GABRB1: variants seen among roughly 807,000 people sequenced by gnomAD.
GABRB1 encodes gamma-aminobutyric acid type A receptor subunit beta1.
In GABRB1, 17 loss-of-function variants were observed where a neutral mutation model predicts 51.6. The observed-to-expected ratio is 0.33, with a 90% CI of 0.23 to 0.49. The LOEUF is 0.49. GABRB1 is among the 20% of genes least tolerant of loss of function. The pLI, the probability that GABRB1 is intolerant of heterozygous loss-of-function variation, is 0.99. For synonymous variants in GABRB1, 247 were observed against 218.9 expected, an observed-to-expected ratio of 1.13 and a Z score of -1.14; for missense variants, 410 against 600.6, an observed-to-expected ratio of 0.68 and a Z score of 3.32.
intron 4 of GABRB1, among the ~76,000 whole-genome samples, chr4:47,197,937 G>A (rs1390377550): frequency 3.3e-5 from 5 of 152,130 alleles, no homozygotes; most frequent in African/African-American, 9.7e-5. Flanking sequence ...AGTATAAAAT[G>A]CCACTATAAA....
intron 3 of GABRB1, among the ~76,000 whole-genome samples, chr4:47,140,092 TAACACACA>T (rs1467271961): frequency 2.1e-5 from 2 of 96,362 alleles, no homozygotes; most frequent in African/African-American, 8.6e-5. Context: ...TAAATTAAAT[TAACACACA>T]CACACACACA....
intron 4 of GABRB1, among the ~76,000 whole-genome samples, chr4:47,305,137 C>T (rs1477225732): frequency 1.3e-5 from 2 of 152,034 alleles, no homozygotes; most frequent in South Asian, 2.1e-4. Flanking sequence ...TTAGACTATT[C>T]GATGTGTATA....
intron 4 of GABRB1, among the ~76,000 whole-genome samples, chr4:47,291,689 A>G (rs191213343): frequency 4.2e-4 from 64 of 152,198 alleles, no homozygotes; most frequent in African/African-American, 1.3e-3. Context: ...GTGAGACATG[A>G]AGTCAAAGGA....
intron 4 of GABRB1, among the ~76,000 whole-genome samples, chr4:47,191,804 AAC>A (rs1217273823): frequency 6.6e-6 from 1 of 152,128 alleles, no homozygotes; most frequent in East Asian, 1.9e-4. Context: ...AGGGACCAGC[AAC>A]ATTAGCTAAA....
intron 4 of GABRB1, among the ~76,000 whole-genome samples, chr4:47,303,491 T>C (rs1222136170): frequency 6.6e-6 from 1 of 151,860 alleles, no homozygotes; most frequent in African/African-American, 2.4e-5. Flanking sequence ...TTGAAATATC[T>C]TTCTATATGT....
intron 8 of GABRB1, among the ~76,000 whole-genome samples, chr4:47,415,075 T>A (rs184956397): frequency 6.6e-6 from 1 of 152,380 alleles, no homozygotes; most frequent in Non-Finnish European, 1.5e-5. Context: ...GATTTAATCC[T>A]ATCCTATCTC....
chr4:47,016,039 C>T (rs1355414939), intron 1 of GABRB1, among the ~76,000 whole-genome samples: 1 of 152,162 alleles, frequency 6.6e-6, no homozygotes, highest in Admixed American at 6.5e-5. Context: ...CAGAAAAGCA[C>T]TGCAGGTAGA....
intron 5 of GABRB1, among the ~76,000 whole-genome samples, chr4:47,372,576 C>T (rs954685653): frequency 6.6e-6 from 1 of 152,216 alleles, no homozygotes; most frequent in Non-Finnish European, 1.5e-5. Flanking sequence ...ATCCACCACT[C>T]CTCCTCACCT....
At chr4:47,276,357 A>G (rs1008015782) in intron 4 of GABRB1, among the ~76,000 whole-genome samples, 2 of 152,152 alleles carry the variant, frequency 1.3e-5, no homozygotes, top group East Asian at 1.9e-4. Flanking sequence ...ATGTTTTTCA[A>G]TAATCTTTCA....
At chr4:47,263,649 A>G (rs1025771034) in intron 4 of GABRB1, among the ~76,000 whole-genome samples, 19 of 152,222 alleles carry the variant, frequency 1.2e-4, no homozygotes, top group African/African-American at 4.3e-4. Flanking sequence ...TAAACCCTCA[A>G]TGACAAAACA....
At chr4:47,324,498 T>C (rs1725183333) in intron 5 of GABRB1, among the ~76,000 whole-genome samples, 1 of 152,196 alleles carries the variant, frequency 6.6e-6, no homozygotes, top group Admixed American at 6.5e-5. Context: ...CTAATCTCTC[T>C]TTCTTTTTCT....
At chr4:47,066,235 CTTAA>C (rs1560518180) in intron 3 of GABRB1, among the ~76,000 whole-genome samples, 1 of 152,106 alleles carries the variant, frequency 6.6e-6, no homozygotes, top group African/African-American at 2.4e-5. Flanking sequence ...ATGCATGTAC[CTTAA>C]TTTAAAATAC....
At chr4:47,021,698 A>C (rs1724933537) in intron 1 of GABRB1, among the ~76,000 whole-genome samples, 1 of 152,110 alleles carries the variant, frequency 6.6e-6, no homozygotes, top group Non-Finnish European at 1.5e-5. Context: ...TATCAGAAAA[A>C]GTATAGCAAA....
At chr4:47,086,838 C>T (rs1194797146) in intron 3 of GABRB1, among the ~76,000 whole-genome samples, 1 of 152,156 alleles carries the variant, frequency 6.6e-6, no homozygotes, top group Non-Finnish European at 1.5e-5. Context: ...TGGCTAAGGG[C>T]TGCTGGAGCG....
chr4:47,129,919 A>G (rs983067247), intron 3 of GABRB1, among the ~76,000 whole-genome samples: 11 of 152,226 alleles, frequency 7.2e-5, no homozygotes, highest in African/African-American at 2.4e-4. Flanking sequence ...GTGACTATGT[A>G]GATGAATAAA....
chr4:47,115,846 A>C (rs1715456276), intron 3 of GABRB1, among the ~76,000 whole-genome samples: 1 of 152,168 alleles, frequency 6.6e-6, no homozygotes, highest in Admixed American at 6.5e-5. Flanking sequence ...TATTCAATCC[A>C]ATTTTACATT....
At chr4:47,081,829 G>A (rs954156231) in intron 3 of GABRB1, among the ~76,000 whole-genome samples, 3 of 152,146 alleles carry the variant, frequency 2.0e-5, no homozygotes, top group South Asian at 2.1e-4. Flanking sequence ...GTGTAACAAG[G>A]CAGAATACCC....
At chr4:47,032,507 CGGCGGTTCGGCTTACGCAGATG>C in intron 3 of GABRB1, 23 bp downstream of exon 3, 3 of 1,608,840 alleles carry the variant, frequency 1.9e-6, no homozygotes, top group Non-Finnish European at 2.6e-6. Flanking sequence ...CCGAGGGGCC[CGGCGGTTCGGCTTACGCAGATG>C]GGAAATGGAC....
At chr4:47,030,546 C>T (rs1725256211), upstream of GABRB1, among the ~76,000 whole-genome samples, 1 of 152,134 alleles carries the variant, frequency 6.6e-6, no homozygotes, top group African/African-American at 2.4e-5. Flanking sequence ...CTTTTTGAAT[C>T]AGTTATAAGT....
Sources: gnomAD v4.1 joint callset for allele counts (sites outside exome capture counted in the v4.1 genomes callset) on GRCh38, gnomAD v4.1.1 for gene constraint, MANE v1.5 for transcripts, NCBI Gene and HGNC (gene_info 2026-07-23, HGNC 2026-07-21) for gene names.